The following LYPD6 variants were observed in gnomAD, a reference collection of about 807,000 sequenced individuals.
LYPD6 encodes the protein LY6/PLAUR domain containing 6.
In LYPD6, 15 loss-of-function variants were observed where a neutral mutation model predicts 22.7. That is an observed-to-expected ratio of 0.66 (90% CI 0.44 to 1.02). LYPD6 has a LOEUF of 1.02. LYPD6 is among the 50% of genes least tolerant of loss of function. LYPD6 has a pLI of 0.00. For missense variants in LYPD6, 189 were observed against 208.4 expected, an observed-to-expected ratio of 0.91 and a Z score of 0.57; for synonymous variants, 72 against 77.5, an observed-to-expected ratio of 0.93 and a Z score of 0.37.
chr2:149,345,155 T>C (rs1260118948), intron 1 of LYPD6, among the ~76,000 whole-genome samples: 1 of 152,178 alleles, frequency 6.6e-6, no homozygotes, highest in Non-Finnish European at 1.5e-5. Context: ...TCACACTGAC[T>C]ATTTTTCATA....
At chr2:149,391,677 G>C (rs1168142594) in intron 1 of LYPD6, among the ~76,000 whole-genome samples, 1 of 152,178 alleles carries the variant, frequency 6.6e-6, no homozygotes, top group Non-Finnish European at 1.5e-5. Context: ...GGCCACTCAA[G>C]GGTATGTGAT....
intron 1 of LYPD6, among the ~76,000 whole-genome samples, chr2:149,406,852 A>C (rs1167243280): frequency 0.02 from 2,191 of 109,798 alleles, no homozygotes; most frequent in East Asian, 0.031. Flanking sequence ...ATTTGGCATG[A>C]TTTTGCAGTG....
intron 1 of LYPD6, among the ~76,000 whole-genome samples, chr2:149,418,192 A>G (rs1267910712): frequency 1.3e-5 from 2 of 152,176 alleles, no homozygotes; most frequent in Non-Finnish European, 2.9e-5. Flanking sequence ...TGTTGATTAT[A>G]AGCCAAAGGG....
intron 1 of LYPD6, among the ~76,000 whole-genome samples, chr2:149,388,326 A>G (rs960451281): frequency 6.6e-6 from 1 of 152,152 alleles, no homozygotes; most frequent in African/African-American, 2.4e-5. Flanking sequence ...AATCATTCAC[A>G]TGAATTCAGA....
At chr2:149,395,411 T>G (rs1682408394) in intron 1 of LYPD6, among the ~76,000 whole-genome samples, 1 of 152,198 alleles carries the variant, frequency 6.6e-6, no homozygotes, top group Non-Finnish European at 1.5e-5. Flanking sequence ...TCTAATTAAA[T>G]GTATATATGA....
the LYPD6 span, among the ~76,000 whole-genome samples, chr2:149,482,987 C>T: frequency 5.3e-5 from 8 of 152,184 alleles, no homozygotes; most frequent in Admixed American, 1.3e-4. Context: ...CCTGCAGACA[C>T]GGGACTCCAA....
chr2:149,435,187 C>T (rs1204794838), intron 1 of LYPD6, among the ~76,000 whole-genome samples: 2 of 152,140 alleles, frequency 1.3e-5, no homozygotes, highest in African/African-American at 4.8e-5. Context: ...AGCAGCCTTG[C>T]CGACACCTTG....
intron 1 of LYPD6, among the ~76,000 whole-genome samples, chr2:149,372,764 G>C (rs564064259): frequency 6.6e-6 from 1 of 152,186 alleles, no homozygotes; most frequent in African/African-American, 2.4e-5. Context: ...TGGGACAGGG[G>C]CATAAGCTTT....
intron 1 of LYPD6, among the ~76,000 whole-genome samples, chr2:149,364,389 G>C (rs774816803): frequency 1.3e-5 from 2 of 152,110 alleles, no homozygotes; most frequent in African/African-American, 2.4e-5. Flanking sequence ...GACCTGACCA[G>C]ACCTGAATTC....
chr2:149,434,465 T>G (rs2105146576), intron 1 of LYPD6, among the ~76,000 whole-genome samples: 1 of 152,330 alleles, frequency 6.6e-6, no homozygotes, highest in African/African-American at 2.4e-5. Flanking sequence ...TTCAAGACAT[T>G]TCTCACTCCC....
intron 3 of LYPD6, among the ~76,000 whole-genome samples, chr2:149,459,577 T>G (rs969595140): frequency 6.6e-6 from 1 of 152,204 alleles, no homozygotes; most frequent in Non-Finnish European, 1.5e-5. Flanking sequence ...TCTGATGTGG[T>G]TCTAAATATA....
downstream of LYPD6, among the ~76,000 whole-genome samples, chr2:149,478,687 G>A (rs570014717): frequency 2.0e-5 from 3 of 152,210 alleles, no homozygotes; most frequent in Admixed American, 6.5e-5. Context: ...GCCTCCCAAT[G>A]TGCTGGGATT....
Position 149,442,552 on chromosome 2 carries a change from G to T in LYPD6, c.118+4726G>T, listed in dbSNP as rs1009067081. Among the ~76,000 whole-genome samples, 37 of 151,658 alleles carry T rather than the reference G, an allele frequency of 2.4e-4. 1 individual carries two copies. On this transcript the variant is annotated intron_variant, in intron 2 of 4. Transcript: ENST00000334166. The stretch of plus-strand genomic sequence containing the variant: ...CAAATTAGATTCATTCACAGCTGGG[G>T]CCACAACAATTTGAAACTCCGCTTG...
At chr2:149,382,167 C>T (rs1255510718) in intron 1 of LYPD6, among the ~76,000 whole-genome samples, 1 of 152,098 alleles carries the variant, frequency 6.6e-6, no homozygotes, top group Non-Finnish European at 1.5e-5. Context: ...GTTTTGGTTG[C>T]TTTCCAGCCC....
intron 1 of LYPD6, among the ~76,000 whole-genome samples, chr2:149,377,227 C>T (rs13027838): frequency 0.12 from 17,713 of 148,468 alleles, 1,391 homozygotes; most frequent in South Asian, 0.24. Flanking sequence ...TGGAAACATG[C>T]GGAGTGATGT....
At chr2:149,417,807 A>C (rs914887066) in intron 1 of LYPD6, among the ~76,000 whole-genome samples, 1 of 152,228 alleles carries the variant, frequency 6.6e-6, no homozygotes, top group African/African-American at 2.4e-5. Context: ...CTAGAAATAT[A>C]ATGAACCAGA....
chr2:149,337,737 GA>G (rs1681066679), intron 1 of LYPD6, among the ~76,000 whole-genome samples: 1 of 152,114 alleles, frequency 6.6e-6, no homozygotes, highest in African/African-American at 2.4e-5. Context: ...CCTCACCCAG[GA>G]AATAAGCATA....
chr2:149,468,890 T>A (rs1210638397), intron 4 of LYPD6, 115 bp downstream of exon 4: 18 of 1,106,654 alleles, frequency 1.6e-5, no homozygotes, highest in Non-Finnish European at 2.2e-5. Flanking sequence ...CTTTTGATTG[T>A]CTTTATGCTC....
At chr2:149,428,481 A>G (rs1042311342) in intron 1 of LYPD6, among the ~76,000 whole-genome samples, 40 of 152,270 alleles carry the variant, frequency 2.6e-4, no homozygotes, top group African/African-American at 8.9e-4. Context: ...TTCCTCCTCC[A>G]TGATGGGAGG....
Sources: gnomAD v4.1 joint callset for allele counts (sites outside exome capture counted in the v4.1 genomes callset) on GRCh38, gnomAD v4.1.1 for gene constraint, MANE v1.5 for transcripts, NCBI Gene and HGNC (gene_info 2026-07-23, HGNC 2026-07-21) for gene names.